FAM13C: variants seen among roughly 807,000 people sequenced by gnomAD.
FAM13C encodes the protein family with sequence similarity 13 member C, also known as protein FAM13C.
FAM13C carries 37 observed loss-of-function variants against 73.2 expected under a neutral mutation model. The observed-to-expected ratio is 0.51, with a 90% CI of 0.39 to 0.67. The LOEUF (loss-of-function observed/expected upper bound fraction) is 0.67, where lower values mean the gene tolerates loss of function less well. Ranked by LOEUF, FAM13C falls within the 30% of genes least tolerant of loss-of-function variation. The pLI, the probability that FAM13C is intolerant of heterozygous loss-of-function variation, is 0.00. For synonymous variants in FAM13C, 246 were observed against 260.9 expected, an observed-to-expected ratio of 0.94 and a Z score of 0.55; for missense variants, 589 against 715.6, an observed-to-expected ratio of 0.82 and a Z score of 2.02.
chr10:59,304,743 A>G (rs1847999710), intron 4 of FAM13C, among the ~76,000 whole-genome samples: 3 of 104,152 alleles, frequency 2.9e-5, no homozygotes, highest in African/African-American at 1.1e-4. Context: ...TGTACCCTGA[A>G]CTTAAAATAA....
At chr10:59,295,263 A>G (rs930017335) in intron 5 of FAM13C, among the ~76,000 whole-genome samples, 10 of 152,244 alleles carry the variant, frequency 6.6e-5, no homozygotes, top group African/African-American at 2.4e-4. Flanking sequence ...AAAGATACAG[A>G]TTACTTGGCT....
At chr10:59,351,982 C>A (rs768085818) in intron 3 of FAM13C, among the ~76,000 whole-genome samples, 3 of 151,958 alleles carry the variant, frequency 2.0e-5, no homozygotes, top group East Asian at 3.9e-4. Flanking sequence ...GGGGATAGAA[C>A]GAAACTCTGT....
intron 3 of FAM13C, among the ~76,000 whole-genome samples, chr10:59,351,453 A>G (rs1855031777): frequency 6.6e-6 from 1 of 152,230 alleles, no homozygotes; most frequent in African/African-American, 2.4e-5. Context: ...TGTATTGGAA[A>G]GATGTTTCCT....
intron 3 of FAM13C, among the ~76,000 whole-genome samples, chr10:59,332,007 T>G (rs1161536438): frequency 3.9e-5 from 6 of 152,130 alleles, no homozygotes; most frequent in Admixed American, 3.9e-4. Context: ...AGACTAGGGC[T>G]GGCAATACAT....
At chr10:59,309,633 T>C (rs775233039) in intron 4 of FAM13C, among the ~76,000 whole-genome samples, 6 of 152,244 alleles carry the variant, frequency 3.9e-5, no homozygotes, top group Non-Finnish European at 7.3e-5. Context: ...TAGCTCCCAG[T>C]CAGGTCTCCC....
At chr10:59,339,655 C>A (rs1853229998) in intron 3 of FAM13C, among the ~76,000 whole-genome samples, 1 of 152,170 alleles carries the variant, frequency 6.6e-6, no homozygotes, top group Admixed American at 6.5e-5. Flanking sequence ...ACAGTCAACC[C>A]AGCATCACTG....
intron 9 of FAM13C, 26 bp from the exon 10 acceptor site, chr10:59,262,671 T>C (rs189991779): frequency 1.4e-5 from 22 of 1,593,748 alleles, no homozygotes; most frequent in Admixed American, 8.4e-5. Context: ...TGAGTTATCA[T>C]AAGCAAAGAG....
At chr10:59,289,365 T>A (rs1470456587) in intron 5 of FAM13C, among the ~76,000 whole-genome samples, 3 of 152,198 alleles carry the variant, frequency 2.0e-5, no homozygotes, top group Non-Finnish European at 2.9e-5. Context: ...GCCACATACA[T>A]GTCCTTCCAG....
chr10:59,256,069 A>G (rs763945933), intron 10 of FAM13C, among the ~76,000 whole-genome samples: 3 of 152,186 alleles, frequency 2.0e-5, no homozygotes, highest in Non-Finnish European at 2.9e-5. Context: ...GTATTGTTTA[A>G]ATAACCTCAA....
chr10:59,343,050 A>T (rs960927449), intron 3 of FAM13C, among the ~76,000 whole-genome samples: 10 of 152,354 alleles, frequency 6.6e-5, no homozygotes, highest in African/African-American at 2.4e-4. Flanking sequence ...AAATTTTAAA[A>T]TGTCTCTAAA....
At chr10:59,315,559 C>A (rs1381647827) in intron 4 of FAM13C, among the ~76,000 whole-genome samples, 1 of 152,100 alleles carries the variant, frequency 6.6e-6, no homozygotes, top group Non-Finnish European at 1.5e-5. Context: ...TACTGGCATT[C>A]TGTGGGCTAG....
intron 11 of FAM13C, 32 bp downstream of exon 11, chr10:59,254,316 C>G: frequency 7.0e-7 from 1 of 1,435,466 alleles, no homozygotes; most frequent in Non-Finnish European, 9.6e-7. Flanking sequence ...CACATCAGTA[C>G]AAAGTAACAG....
chr10:59,329,755 C>G (rs1448597855), intron 3 of FAM13C, among the ~76,000 whole-genome samples: 1 of 152,170 alleles, frequency 6.6e-6, no homozygotes, highest in Non-Finnish European at 1.5e-5. Context: ...TGCTGTCTAT[C>G]ATATCATATA....
At chr10:59,345,604 C>G (rs1854195207) in intron 3 of FAM13C, among the ~76,000 whole-genome samples, 1 of 152,102 alleles carries the variant, frequency 6.6e-6, no homozygotes, top group Non-Finnish European at 1.5e-5. Flanking sequence ...CTTGTTAATT[C>G]AAAGAGGAGG....
At chr10:59,353,088 C>T (rs1271201667) in intron 2 of FAM13C, among the ~76,000 whole-genome samples, 2 of 152,224 alleles carry the variant, frequency 1.3e-5, no homozygotes, top group Non-Finnish European at 1.5e-5. Context: ...GAACAATGCC[C>T]TGAATGCAAA....
chr10:59,286,250 A>G (rs1025507217), intron 5 of FAM13C, among the ~76,000 whole-genome samples: 5 of 152,134 alleles, frequency 3.3e-5, no homozygotes, highest in Non-Finnish European at 7.4e-5. Context: ...GCGGTGGCCT[A>G]AGCCTGTAAA....
chr10:59,320,480 C>T (rs536091313), intron 4 of FAM13C, among the ~76,000 whole-genome samples: 100 of 152,246 alleles, frequency 6.6e-4, no homozygotes, highest in Non-Finnish European at 1.3e-3. Context: ...AAGAGCAAGC[C>T]AGCTTGGAAG....
intron 3 of FAM13C, among the ~76,000 whole-genome samples, chr10:59,343,566 C>T (rs745488209): frequency 3.5e-4 from 54 of 152,138 alleles, no homozygotes; most frequent in African/African-American, 9.9e-4. Context: ...GTTATGGTTA[C>T]GGCAAAGCAT....
At chr10:59,351,748 C>G (rs1855067565) in intron 3 of FAM13C, among the ~76,000 whole-genome samples, 1 of 152,188 alleles carries the variant, frequency 6.6e-6, no homozygotes, top group Non-Finnish European at 1.5e-5. Flanking sequence ...GTTCGCAGCA[C>G]TTTGGGAGGC....
Sources: allele counts gnomAD v4.1 joint callset (sites outside exome capture counted in the v4.1 genomes callset), GRCh38; gene constraint gnomAD v4.1.1; transcripts MANE v1.5; gene names NCBI Gene and HGNC (gene_info 2026-07-23, HGNC 2026-07-21).